Variants in MPDZ observed in about 807,000 individuals in gnomAD.
MPDZ encodes the protein multiple PDZ domain crumbs cell polarity complex component, also known as multiple PDZ domain protein.
MPDZ carries 234 observed loss-of-function variants against 239.1 expected under a neutral mutation model. The observed-to-expected ratio is 0.98, with a 90% CI of 0.88 to 1.09. The LOEUF (loss-of-function observed/expected upper bound fraction) is 1.09. Ranked by LOEUF, MPDZ falls within the 50% of genes least tolerant of loss-of-function variation. The pLI, the probability that MPDZ is intolerant of heterozygous loss-of-function variation, is 0.00. For missense variants in MPDZ, 3,175 were observed against 2,510.0 expected (o/e 1.26, Z -5.66); for synonymous variants, 1,048 against 881.3 (o/e 1.19, Z -3.35).
In MPDZ at chr9:13,230,025, A is replaced by G. The variant is rs139825004; in HGVS notation, c.184-5442T>C. On this transcript the variant is annotated intron_variant, in intron 3 of 46. Transcript: ENST00000319217. ...AAAAATCCAACTAGAAAATGGGCAG[A>G]AAAAAACAGACAGACATTTCATGAA... is the stretch of plus-strand genomic sequence containing the variant. 2.8e-4 allele frequency among the ~76,000 whole-genome samples: 42 copies of G among 152,290 alleles called. No individual in the cohort carries two copies. In the East Asian group the frequency reaches 6.8e-3, roughly 25 times the overall value.
chr9:13,275,774 T>G (rs1368774714), intron 1 of MPDZ, among the ~76,000 whole-genome samples: 1 of 152,128 alleles, frequency 6.6e-6, no homozygotes, highest in African/African-American at 2.4e-5. Flanking sequence ...CTCTTCCCTA[T>G]CCAACCTTTT....
rs762202328 is a variant in MPDZ at position 13,113,043 on chromosome 9, T to C, written c.5569A>G (p.Ile1857Val). Reference sequence around the variant, plus strand: ...ATTTCGACTGTTCTTAATCCCTGTATTTCAGATGCCACTGTAAAGGCAAAA... The same window carrying C: ...ATTTCGACTGTTCTTAATCCCTGTACTTCAGATGCCACTGTAAAGGCAAAA... ...SSKKNALASE[I>V]QGLRTVEMKK... is the part of the protein sequence containing the mutation. Residue 1857 changes from isoleucine (I) to valine (V), a missense_variant, in exon 42 of 47, where the codon ATA becomes GTA. Transcript: ENST00000319217. 3.8e-6 allele frequency: 6 copies of C among 1,583,800 alleles called. No individual in the cohort carries two copies. In the South Asian group the frequency reaches 5.8e-5, roughly 15 times the overall value.
chr9:13,150,648 TG>T lies in MPDZ; in HGVS notation c.3492del (p.Ser1165AlafsTer12). On this transcript the variant is annotated frameshift_variant, in exon 25 of 47. Transcript: ENST00000319217. LOFTEE classifies it high-confidence loss of function. ...CCCATCCCTCGTCCACCAACAATGCTGATGCCTAAGGATTTGCTTGGTTCTC... is the reference window on the plus strand; with the variant it reads ...CCCATCCCTCGTCCACCAACAATGCTATGCCTAAGGATTTGCTTGGTTCTC... ...LWREPSKSLG[I>X]SIVGGRGMGS... 6.7e-7 allele frequency: 1 copy of T among 1,490,598 alleles called. No individual in the cohort carries two copies. The highest frequency in any genetic ancestry group is 9.0e-7 in the Non-Finnish European group (1 of 1,115,816). 92.3% of individuals were successfully genotyped at this position (1,490,598 alleles called of 1,614,324 possible).
At chr9:13,255,642 T>A (rs72706386) in intron 1 of MPDZ, among the ~76,000 whole-genome samples, 12 of 152,202 alleles carry the variant, frequency 7.9e-5, no homozygotes, top group South Asian at 4.1e-4. Flanking sequence ...GATAACCAGA[T>A]GCCTTGTCAA....
At chr9:13,118,126 G>C (rs1169833670) in intron 39 of MPDZ, among the ~76,000 whole-genome samples, 1 of 152,166 alleles carries the variant, frequency 6.6e-6, no homozygotes, top group African/African-American at 2.4e-5. Flanking sequence ...TTACAGGCAT[G>C]AGCCACCACA....
chr9:13,196,418 G>C (rs1174646820), intron 12 of MPDZ, among the ~76,000 whole-genome samples, 188 bp from the exon 13 acceptor site: 6 of 152,060 alleles, frequency 3.9e-5, no homozygotes, highest in African/African-American at 1.2e-4. Context: ...TTGTATGTTT[G>C]ACACTACTCA....
chr9:13,133,731 T>C, intron 32 of MPDZ, 93 bp downstream of exon 32: 3 of 852,336 alleles, frequency 3.5e-6, no homozygotes, highest in Non-Finnish European at 5.6e-6. Context: ...CTGATGCTGT[T>C]AATCTGGAGA....
At position 13,136,089 on chromosome 9, in the gene MPDZ, T is replaced by C. The variant is rs1168748473; in HGVS notation, c.4383+3A>G. ...CAGAGAAACAAACATAAGTTACATA[T>C]ACCTCCTTATTTTGAAGATTTTCTG... On this transcript the variant is annotated splice_donor_region_variant and intron_variant, in intron 31 of 46. Transcript: ENST00000319217. The C allele has an allele frequency of 8.2e-6, 13 of 1,586,292 alleles. No individual in the cohort carries two copies. The highest frequency in any genetic ancestry group is 1.1e-5 in the Non-Finnish European group (13 of 1,156,718).
intron 46 of MPDZ, among the ~76,000 whole-genome samples, chr9:13,108,460 T>TA (rs1941855714): frequency 6.6e-6 from 1 of 152,128 alleles, no homozygotes; most frequent in Admixed American, 6.5e-5. Context: ...TTTCAGTAGT[T>TA]ATTTTTGTTT....
At chr9:13,174,962 C>A (rs1563960430) in intron 21 of MPDZ, among the ~76,000 whole-genome samples, 1 of 152,092 alleles carries the variant, frequency 6.6e-6, no homozygotes, top group East Asian at 1.9e-4. Flanking sequence ...CAAGACCCTG[C>A]CATAAGACGT....
chr9:13,168,570 G>A lies in MPDZ; in HGVS notation c.3056-6C>T. 1 of 1,537,024 alleles carries A rather than the reference G, an allele frequency of 6.5e-7. No homozygotes were observed. On this transcript the variant is annotated splice_polypyrimidine_tract_variant and splice_region_variant and intron_variant, in intron 21 of 46. Transcript: ENST00000319217. The stretch of plus-strand genomic sequence containing the variant: ...ATTAGCACTAACTGTCATTCCTACA[G>A]GAAAAGAGAAATGCAAATATAATTA...
At chr9:13,198,255 A>G (rs1378341163) in intron 12 of MPDZ, among the ~76,000 whole-genome samples, 1 of 152,092 alleles carries the variant, frequency 6.6e-6, no homozygotes, top group African/African-American at 2.4e-5. Context: ...CCTTGTCAGC[A>G]TTCATTATTG....
At position 13,143,521 on chromosome 9, in the gene MPDZ, T is replaced by A; in HGVS notation, c.3785A>T (p.Tyr1262Phe). Residue 1262 changes from tyrosine (Y) to phenylalanine (F), a missense_variant, in exon 27 of 47, where the codon TAC (tyrosine) becomes TTC (phenylalanine). Transcript: ENST00000319217. ...AAATGGGTTAGTGCTGCTGAAGTTG[T>A]ACTTAGGGTAAAGGTTGTGCAGCAA... Reference protein sequence around the residue: ...PSLLHNLYPKYNFSSTNPFAD... With the variant: ...PSLLHNLYPKFNFSSTNPFAD... The A allele has an allele frequency of 1.9e-6, 3 of 1,613,150 alleles. No individual in the cohort carries two copies. Among genetic ancestry groups the A allele is most frequent in the Non-Finnish European group, 2.5e-6 (3 of 1,179,252 alleles).
In MPDZ at chr9:13,122,181, A is replaced by C; in HGVS notation, c.4954-11T>G. The stretch of plus-strand genomic sequence containing the variant: ...GATAATAATGGCACCCTAAGGGCCC[A>C]AACAAAACATACCCATACTTATCCC... On this transcript the variant is annotated splice_polypyrimidine_tract_variant and intron_variant, in intron 36 of 46. Coordinates refer to ENST00000319217, the MANE Select transcript of MPDZ (RefSeq NM_001378778.1). The C allele has an allele frequency of 6.2e-7, 1 of 1,612,540 alleles. No individual in the cohort carries two copies. The highest frequency in any genetic ancestry group is 8.5e-7 in the Non-Finnish European group (1 of 1,178,648).
At chr9:13,133,929 A>T in intron 31 of MPDZ, 25 bp from the exon 32 acceptor site, 1 of 1,384,700 alleles carries the variant, frequency 7.2e-7, no homozygotes, top group Non-Finnish European at 9.8e-7. Context: ...GAAATGACAA[A>T]AAGAGCAACT....
At chr9:13,239,856 C>T (rs1232609740) in intron 3 of MPDZ, among the ~76,000 whole-genome samples, 10 of 152,058 alleles carry the variant, frequency 6.6e-5, no homozygotes, top group Non-Finnish European at 1.5e-4. Context: ...GTAGCATATA[C>T]CACAGTCTAG....
At chr9:13,150,266 G>C (rs999424589) in intron 25 of MPDZ, among the ~76,000 whole-genome samples, 1 of 151,450 alleles carries the variant, frequency 6.6e-6, no homozygotes, top group African/African-American at 2.4e-5. Flanking sequence ...ATATACATAA[G>C]AGAAAATTAC....
intron 15 of MPDZ, among the ~76,000 whole-genome samples, chr9:13,190,681 A>C (rs1954790439): frequency 6.6e-6 from 1 of 152,162 alleles, no homozygotes; most frequent in South Asian, 2.1e-4. Context: ...AAATAAAAAC[A>C]AGAGAAAATG....
chr9:13,174,420 T>C (rs1022359458), intron 21 of MPDZ, among the ~76,000 whole-genome samples: 13 of 152,204 alleles, frequency 8.5e-5, no homozygotes, highest in African/African-American at 3.1e-4. Context: ...TTGCAAAATC[T>C]CTGCCTTATC....
Sources: allele counts gnomAD v4.1 joint callset (sites outside exome capture counted in the v4.1 genomes callset), GRCh38; gene constraint gnomAD v4.1.1; transcripts MANE v1.5; gene names NCBI Gene and HGNC (gene_info 2026-07-23, HGNC 2026-07-21).